The following DHRSX variants were observed in gnomAD, a reference collection of about 807,000 sequenced individuals.
The protein encoded by DHRSX is polyprenol dehydrogenase.
DHRSX carries 31 observed loss-of-function variants against 34.0 expected under a neutral mutation model. The observed-to-expected ratio is 0.91, with a 90% confidence interval of 0.69 to 1.23. The LOEUF (loss-of-function observed/expected upper bound fraction) is 1.23, where lower values mean the gene tolerates loss of function less well. Ranked by LOEUF, DHRSX falls within the 50% of genes most tolerant of loss-of-function variation. DHRSX has a pLI of 0.00. For synonymous variants in DHRSX, 201 were observed against 183.8 expected (o/e 1.09, Z -0.76); for missense variants, 414 against 428.1 (o/e 0.97, Z 0.29).
chrX:2,320,534 G>T, intron 3 of DHRSX, among the ~76,000 whole-genome samples: 1 of 144,498 alleles, frequency 6.9e-6, no homozygotes, highest in Non-Finnish European at 1.5e-5. Context: ...GACCTCAAGT[G>T]ATCTGCCCAC....
At chrX:2,361,642 A>C (rs1283042452) in intron 3 of DHRSX, among the ~76,000 whole-genome samples, 1 of 152,188 alleles carries the variant, frequency 6.6e-6, no homozygotes, top group African/African-American at 2.4e-5. Context: ...AGAGAGCTGG[A>C]GTTCCATCAG....
chrX:2,495,136 CTATTAT>C lies in DHRSX; in HGVS notation c.109+5675_109+5680del, dbSNP rs199925971. 8.6e-3 allele frequency among the ~76,000 whole-genome samples: 1,287 copies of C among 149,606 alleles called. 37 individuals are homozygous for C. The highest frequency in any genetic ancestry group is 0.083 in the East Asian group (421 of 5,094). On this transcript the variant is annotated intron_variant, in intron 1 of 6. Coordinates refer to ENST00000334651, the MANE Select transcript of DHRSX (RefSeq NM_145177.3). ...TATTCTATCATTATTATCATTATTA[CTATTAT>C]TATTATTATTACTGGGCTGAAAGAA...
At chrX:2,227,697 C>G (rs1183122683) in intron 6 of DHRSX, among the ~76,000 whole-genome samples, 1 of 27,762 alleles carries the variant, frequency 3.6e-5, no homozygotes, top group African/African-American at 1.7e-4. Context: ...AGAAGAGAAA[C>G]AAAGAACCAA....
intron 5 of DHRSX, among the ~76,000 whole-genome samples, chrX:2,243,799 T>TGTTTG (rs1485746466): frequency 1.3e-4 from 3 of 23,344 alleles, no homozygotes; most frequent in African/African-American, 2.5e-4. Context: ...TTTTTTTTTT[T>TGTTTG]TTTTTTTTTT....
intron 3 of DHRSX, among the ~76,000 whole-genome samples, chrX:2,327,711 TC>T (rs1415470518): frequency 2.0e-5 from 3 of 152,066 alleles, no homozygotes; most frequent in South Asian, 2.1e-4. Context: ...TTGGAGATAG[TC>T]TTTAAAGAGG....
At chrX:2,483,470 T>C (rs2044805234) in intron 1 of DHRSX, among the ~76,000 whole-genome samples, 1 of 152,006 alleles carries the variant, frequency 6.6e-6, no homozygotes, top group African/African-American at 2.4e-5. Context: ...GGTTTGGCCA[T>C]GTTGCCCAGG....
At chrX:2,271,575 T>G (rs2124468813) in intron 4 of DHRSX, among the ~76,000 whole-genome samples, 1 of 152,324 alleles carries the variant, frequency 6.6e-6, no homozygotes, top group Non-Finnish European at 1.5e-5. Context: ...AGCTTATGCC[T>G]GTAAAACATC....
At chrX:2,425,346 A>G in intron 1 of DHRSX, 42 bp from the exon 2 acceptor site, 1 of 1,526,094 alleles carries the variant, frequency 6.6e-7, no homozygotes, top group Non-Finnish European at 9.1e-7. Context: ...AAGATTTGAA[A>G]GCAGAGCACA....
At chrX:2,395,324 G>A (rs1287852451) in intron 3 of DHRSX, among the ~76,000 whole-genome samples, 2 of 152,100 alleles carry the variant, frequency 1.3e-5, no homozygotes, top group African/African-American at 2.4e-5. Context: ...AACACACCTC[G>A]GCCACTGGGG....
chrX:2,488,940 G>A (rs765545581), intron 1 of DHRSX: 11 of 1,597,796 alleles, frequency 6.9e-6, no homozygotes, highest in African/African-American at 2.7e-5. Flanking sequence ...AGGGCCAGGC[G>A]GTCTGACCAC....
chrX:2,256,046 G>A (rs903144998), intron 5 of DHRSX, among the ~76,000 whole-genome samples: 2 of 148,830 alleles, frequency 1.3e-5, no homozygotes, highest in Non-Finnish European at 3.0e-5. Context: ...CCAGGCTGGA[G>A]TGCAGTGGTG....
At chrX:2,429,874 A>C (rs1174107742) in intron 1 of DHRSX, among the ~76,000 whole-genome samples, 1 of 152,140 alleles carries the variant, frequency 6.6e-6, no homozygotes, top group Non-Finnish European at 1.5e-5. Context: ...GAAAAAACTA[A>C]CAAAATCAAC....
chrX:2,415,241 A>G (rs2043679332), intron 2 of DHRSX, among the ~76,000 whole-genome samples: 1 of 151,796 alleles, frequency 6.6e-6, no homozygotes, highest in Non-Finnish European at 1.5e-5. Flanking sequence ...ACCTCATCAT[A>G]TCCTACCACA....
At chrX:2,405,182 C>A (rs1360211475) in intron 3 of DHRSX, among the ~76,000 whole-genome samples, 1 of 152,138 alleles carries the variant, frequency 6.6e-6, no homozygotes, top group Non-Finnish European at 1.5e-5. Flanking sequence ...GTTCATTTCA[C>A]TCTCATGGCT....
At chrX:2,276,413 C>A (rs987325155) in intron 4 of DHRSX, among the ~76,000 whole-genome samples, 1 of 152,106 alleles carries the variant, frequency 6.6e-6, no homozygotes, top group Non-Finnish European at 1.5e-5. Flanking sequence ...CATTGATCTG[C>A]GAATCGAAAG....
chrX:2,381,797 CAAAAAAAAAAA>C (rs767319246), intron 3 of DHRSX, among the ~76,000 whole-genome samples: 1,511 of 81,674 alleles, frequency 0.019, 37 homozygotes, highest in African/African-American at 0.072. Flanking sequence ...AAGCCACAAC[CAAAAAAAAAAA>C]AAAAAAAAAA....
At chrX:2,266,990 C>T in intron 4 of DHRSX, 43 bp from the exon 5 acceptor site, 8 of 1,599,516 alleles carry the variant, frequency 5.0e-6, no homozygotes, top group Non-Finnish European at 6.9e-6. Context: ...CTGGGGAAGA[C>T]AGTGGAGAAA....
At position 2,420,366 on chromosome X, in the gene DHRSX, C is replaced by T. The variant is rs192677273; in HGVS notation, c.217+4831G>A. ...GAGTTTGCGGTGAGCTGAGATCGCG[C>T]CACTGCACTCCAGCCTGGGCAATAA... is the stretch of plus-strand genomic sequence containing the variant. On this transcript the variant is annotated intron_variant, in intron 2 of 6. Coordinates refer to ENST00000334651, the MANE Select transcript of DHRSX (RefSeq NM_145177.3). 3.2e-3 allele frequency among the ~76,000 whole-genome samples: 479 copies of T among 151,356 alleles called. 2 individuals carry two copies. The highest frequency in any genetic ancestry group is 0.011 in the African/African-American group (450 of 41,208).
intron 3 of DHRSX, among the ~76,000 whole-genome samples, chrX:2,354,518 G>A (rs1484148984): frequency 6.6e-6 from 1 of 152,158 alleles, no homozygotes; most frequent in African/African-American, 2.4e-5. Flanking sequence ...CTGGAGTGCA[G>A]TGGCGCAATC....
Sources: gnomAD v4.1 joint callset for allele counts (sites outside exome capture counted in the v4.1 genomes callset) on GRCh38, gnomAD v4.1.1 for gene constraint, MANE v1.5 for transcripts, NCBI Gene and HGNC (gene_info 2026-07-23, HGNC 2026-07-21) for gene names.